The following TMC1 variants were observed in gnomAD, a reference collection of about 807,000 sequenced individuals.
TMC1 encodes transmembrane channel like 1.
Under a neutral mutation model 105.8 loss-of-function variants are expected in TMC1, and 84 were observed. The ratio of observed to expected loss-of-function variants is 0.79; its 90% CI spans 0.67 to 0.95. The LOEUF (loss-of-function observed/expected upper bound fraction) is 0.95, where lower values mean the gene tolerates loss of function less well. Ranked by LOEUF, TMC1 falls within the 40% of genes least tolerant of loss-of-function variation. The pLI is 0.00. For synonymous variants in TMC1, 315 were observed against 311.5 expected (o/e 1.01, Z -0.12); for missense variants, 817 against 914.1 (o/e 0.89, Z 1.37).
intron 5 of TMC1, among the ~76,000 whole-genome samples, chr9:72,675,742 A>T (rs1456144451): frequency 6.6e-6 from 1 of 152,174 alleles, no homozygotes; most frequent in Non-Finnish European, 1.5e-5. Flanking sequence ...CTTCTAGTAG[A>T]CTTGGCAGAC....
chr9:72,596,535 A>G (rs1824722452), intron 2 of TMC1, among the ~76,000 whole-genome samples: 1 of 114,944 alleles, frequency 8.7e-6, no homozygotes, highest in Non-Finnish European at 1.8e-5. Context: ...CACAGTTTCA[A>G]TTGTAAAAAA....
chr9:72,647,442 GTTC>G (rs1197971159), intron 4 of TMC1, among the ~76,000 whole-genome samples: 1 of 151,974 alleles, frequency 6.6e-6, no homozygotes, highest in African/African-American at 2.4e-5. Context: ...ATTGCATGTT[GTTC>G]TTGCTCTAAA....
chr9:72,533,871 G>A lies in TMC1; in HGVS notation c.-428+11958G>A, dbSNP rs140719744. ...TTTCTGGCCAGGTGCAGTGACTCACGCTTGTAATCCCAGCACTTTGGGAGG... is the reference window on the plus strand; with the variant it reads ...TTTCTGGCCAGGTGCAGTGACTCACACTTGTAATCCCAGCACTTTGGGAGG... On this transcript the variant is annotated intron_variant, in intron 1 of 23. Coordinates refer to ENST00000297784, the MANE Select transcript of TMC1 (RefSeq NM_138691.3). 3.3e-3 allele frequency among the ~76,000 whole-genome samples: 500 copies of A among 152,178 alleles called. 7 individuals are homozygous for A. Among genetic ancestry groups the A allele is most frequent in the African/African-American group, 0.011 (454 of 41,506 alleles).
intron 4 of TMC1, among the ~76,000 whole-genome samples, chr9:72,641,858 C>T (rs1367114473): frequency 7.4e-6 from 1 of 134,568 alleles, no homozygotes; most frequent in Non-Finnish European, 1.5e-5. Flanking sequence ...CGCTCTATTG[C>T]CCAGGCTGGA....
intron 2 of TMC1, among the ~76,000 whole-genome samples, chr9:72,602,975 A>G (rs953069593): frequency 6.6e-5 from 10 of 152,140 alleles, no homozygotes; most frequent in African/African-American, 2.4e-4. Flanking sequence ...CACCCACTAT[A>G]GATCATTTTA....
intron 8 of TMC1, among the ~76,000 whole-genome samples, chr9:72,720,514 G>A (rs1827003742): frequency 6.6e-6 from 1 of 152,222 alleles, no homozygotes; most frequent in Non-Finnish European, 1.5e-5. Context: ...GTGTGGCTAA[G>A]GGGACTGAGG....
intron 1 of TMC1, among the ~76,000 whole-genome samples, chr9:72,522,316 T>A (rs1368473103): frequency 1.3e-5 from 2 of 152,156 alleles, no homozygotes; most frequent in Admixed American, 1.3e-4. Flanking sequence ...TTAGCCAGGA[T>A]GGTCTCGATT....
intron 4 of TMC1, among the ~76,000 whole-genome samples, chr9:72,637,166 C>T (rs1825549964): frequency 1.3e-5 from 2 of 151,570 alleles, no homozygotes; most frequent in South Asian, 4.2e-4. Flanking sequence ...CAGTGTCAGC[C>T]AATGTGTTTA....
chr9:72,590,635 T>G (rs1824623550), intron 2 of TMC1, among the ~76,000 whole-genome samples: 1 of 152,342 alleles, frequency 6.6e-6, no homozygotes, highest in South Asian at 2.1e-4. Flanking sequence ...GGGTGCCTCC[T>G]GTGTGTCAAA....
intron 4 of TMC1, among the ~76,000 whole-genome samples, chr9:72,639,059 GT>G (rs1171315299): frequency 1.3e-5 from 2 of 151,130 alleles, no homozygotes; most frequent in Non-Finnish European, 3.0e-5. Context: ...CTTCATTATT[GT>G]TTTTTTTAAA....
chr9:72,566,653 C>A (rs1824160161), intron 1 of TMC1, among the ~76,000 whole-genome samples: 2 of 152,170 alleles, frequency 1.3e-5, no homozygotes, highest in Admixed American at 1.3e-4. Context: ...CTGCTCTGAG[C>A]AGCTGAACAT....
intron 7 of TMC1, among the ~76,000 whole-genome samples, chr9:72,696,631 A>G (rs1564497133): frequency 6.6e-6 from 1 of 152,190 alleles, no homozygotes; most frequent in Admixed American, 6.5e-5. Flanking sequence ...CATTGACACA[A>G]CATTTGAAAC....
intron 18 of TMC1, among the ~76,000 whole-genome samples, chr9:72,808,577 T>C (rs1328373220): frequency 6.6e-6 from 1 of 152,230 alleles, no homozygotes; most frequent in Non-Finnish European, 1.5e-5. Flanking sequence ...ACCTCTCTTA[T>C]TTGAACTGTG....
At chr9:72,703,013 C>G (rs1019172447) in intron 8 of TMC1, among the ~76,000 whole-genome samples, 2 of 152,004 alleles carry the variant, frequency 1.3e-5, no homozygotes, top group African/African-American at 4.8e-5. Context: ...TGTTTTGTTT[C>G]TTTTTCTTTT....
At chr9:72,739,412 T>C (rs1472404935) in intron 8 of TMC1, among the ~76,000 whole-genome samples, 3 of 152,190 alleles carry the variant, frequency 2.0e-5, no homozygotes, top group Non-Finnish European at 4.4e-5. Flanking sequence ...GTTACAAAAA[T>C]TATAGTGTAT....
At position 72,538,441 on chromosome 9, in the gene TMC1, T is replaced by C. The variant is rs146914960; in HGVS notation, c.-428+16528T>C. Among the ~76,000 whole-genome samples, 6 of 149,296 alleles carry C rather than the reference T, an allele frequency of 4.0e-5. No individual in the cohort carries two copies. The East Asian group carries it at 7.8e-4, about 19-fold the overall frequency. On this transcript the variant is annotated intron_variant, in intron 1 of 23. Coordinates refer to ENST00000297784, the MANE Select transcript of TMC1 (RefSeq NM_138691.3). ...TGTATTGTATTGTATTGTATTGTAT[T>C]GTATCGTATTTTTGAGACAGAGCCT...
At chr9:72,695,293 A>G (rs1826531190) in intron 7 of TMC1, among the ~76,000 whole-genome samples, 1 of 152,198 alleles carries the variant, frequency 6.6e-6, no homozygotes, top group Non-Finnish European at 1.5e-5. Flanking sequence ...ATACAACTCA[A>G]TATCTTTTAG....
intron 10 of TMC1, among the ~76,000 whole-genome samples, chr9:72,747,834 T>G (rs533232129): frequency 6.6e-6 from 1 of 152,288 alleles, no homozygotes; most frequent in African/African-American, 2.4e-5. Context: ...GACCTCGTGA[T>G]CCACCTGGCT....
intron 3 of TMC1, among the ~76,000 whole-genome samples, chr9:72,626,318 G>A (rs1825346556): frequency 2.0e-5 from 3 of 152,162 alleles, no homozygotes; most frequent in Admixed American, 2.0e-4. Flanking sequence ...ACAGGTGTCT[G>A]GCAGGCAGTT....
Sources: allele counts gnomAD v4.1 joint callset (sites outside exome capture counted in the v4.1 genomes callset), GRCh38; gene constraint gnomAD v4.1.1; transcripts MANE v1.5; gene names NCBI Gene and HGNC (gene_info 2026-07-23, HGNC 2026-07-21).